NRXN1: variants seen among roughly 807,000 people sequenced by gnomAD.
NRXN1 encodes neurexin-1.
Under a neutral mutation model 150.9 loss-of-function variants are expected in NRXN1, and 39 were observed. The observed-to-expected ratio is 0.26, with a 90% CI of 0.20 to 0.34. NRXN1 has a LOEUF of 0.34. NRXN1 is among the 10% of genes least tolerant of loss of function. The probability of loss-of-function intolerance (pLI) is 1.00; values close to 1 mark genes in which losing one functional copy is unlikely to be tolerated. For missense variants in NRXN1, 1,815 were observed against 1,949.9 expected, an observed-to-expected ratio of 0.93 and a Z score of 1.30; for synonymous variants, 924 against 757.0, an observed-to-expected ratio of 1.22 and a Z score of -3.62.
chr2:50,463,178 AACAGTGAGATGT>A (rs1482739584), intron 17 of NRXN1, among the ~76,000 whole-genome samples: 1 of 151,846 alleles, frequency 6.6e-6, no homozygotes, highest in Non-Finnish European at 1.5e-5. Context: ...CTTAGAGAAA[AACAGTGAGATGT>A]ACAGACAAGA....
intron 21 of NRXN1, among the ~76,000 whole-genome samples, chr2:50,003,878 C>A (rs1185523886): frequency 6.6e-6 from 1 of 151,986 alleles, no homozygotes; most frequent in African/African-American, 2.4e-5. Flanking sequence ...ATAGAAATAT[C>A]AAAGATGGAA....
intron 2 of NRXN1, among the ~76,000 whole-genome samples, chr2:50,966,620 G>A (rs1243832292): frequency 6.6e-6 from 1 of 151,758 alleles, no homozygotes; most frequent in Non-Finnish European, 1.5e-5. Flanking sequence ...CCATTTTAAT[G>A]TGATTGCCAA....
chr2:50,962,314 A>G (rs182086185), intron 2 of NRXN1, among the ~76,000 whole-genome samples: 1 of 151,840 alleles, frequency 6.6e-6, no homozygotes, highest in East Asian at 1.9e-4. Flanking sequence ...AATTCTGATT[A>G]TCTTCCTGAG....
intron 5 of NRXN1, among the ~76,000 whole-genome samples, chr2:50,809,108 A>G (rs899969284): frequency 3.9e-5 from 6 of 152,124 alleles, no homozygotes; most frequent in African/African-American, 1.4e-4. Context: ...GAATCAGACA[A>G]TCAGGGTCCT....
chr2:50,804,307 C>G (rs987966808), intron 5 of NRXN1, among the ~76,000 whole-genome samples: 1 of 152,150 alleles, frequency 6.6e-6, no homozygotes, highest in South Asian at 2.1e-4. Context: ...ATAACAAGAG[C>G]TACCATTTAT....
chr2:50,864,208 C>A (rs1676543111), intron 5 of NRXN1, among the ~76,000 whole-genome samples: 1 of 151,984 alleles, frequency 6.6e-6, no homozygotes, highest in Non-Finnish European at 1.5e-5. Flanking sequence ...TTTAAGAAAT[C>A]TTTCCCAAAA....
intron 2 of NRXN1, among the ~76,000 whole-genome samples, chr2:50,943,028 G>A (rs1425408097): frequency 6.6e-6 from 1 of 152,076 alleles, no homozygotes; most frequent in African/African-American, 2.4e-5. Context: ...CATCCCCCTT[G>A]CTCTTCTGGT....
At chr2:50,640,946 G>A (rs12466091) in intron 5 of NRXN1, among the ~76,000 whole-genome samples, 32,360 of 152,034 alleles carry the variant, frequency 0.21, 3,852 homozygotes, top group East Asian at 0.36. Flanking sequence ...GATAAAATAA[G>A]TAGATAAAGA....
chr2:50,508,255 C>T (rs2092321558), intron 12 of NRXN1, among the ~76,000 whole-genome samples: 1 of 152,016 alleles, frequency 6.6e-6, no homozygotes, highest in South Asian at 2.1e-4. Flanking sequence ...CTGTTTGTAT[C>T]TTTAGAGAAA....
At chr2:50,189,163 T>C (rs913968918) in intron 18 of NRXN1, among the ~76,000 whole-genome samples, 1 of 152,144 alleles carries the variant, frequency 6.6e-6, no homozygotes, top group African/African-American at 2.4e-5. Context: ...GTGGCACATA[T>C]ACACAATGGA....
chr2:50,885,680 G>T (rs1026493412), intron 5 of NRXN1, among the ~76,000 whole-genome samples: 1 of 151,280 alleles, frequency 6.6e-6, no homozygotes, highest in Non-Finnish European at 1.5e-5. Context: ...AATTCCCATG[G>T]TAGACTCAAT....
At chr2:50,567,671 C>T (rs1051824941) in intron 8 of NRXN1, among the ~76,000 whole-genome samples, 8 of 151,984 alleles carry the variant, frequency 5.3e-5, no homozygotes, top group South Asian at 2.1e-4. Flanking sequence ...CCATTTAATA[C>T]GTTGGAAACA....
intron 15 of NRXN1, among the ~76,000 whole-genome samples, chr2:50,478,965 A>C (rs1235068122): frequency 6.6e-6 from 1 of 152,154 alleles, no homozygotes; most frequent in Non-Finnish European, 1.5e-5. Context: ...CCTTTTAAGT[A>C]CTAACCTGTT....
At chr2:50,829,342 ACAGT>A (rs1204842562) in intron 5 of NRXN1, 3 of 745,632 alleles carry the variant, frequency 4.0e-6, no homozygotes, top group South Asian at 3.5e-5. Flanking sequence ...GTTGATCAGG[ACAGT>A]CAAACTCCCA....
At chr2:50,089,536 C>T (rs1699262299) in intron 19 of NRXN1, among the ~76,000 whole-genome samples, 1 of 152,086 alleles carries the variant, frequency 6.6e-6, no homozygotes, top group African/African-American at 2.4e-5. Flanking sequence ...CCTGTAATCC[C>T]AGCACTTTGG....
chr2:50,359,044 G>T (rs951251582), intron 17 of NRXN1, among the ~76,000 whole-genome samples: 1 of 152,138 alleles, frequency 6.6e-6, no homozygotes, highest in African/African-American at 2.4e-5. Context: ...CTAACAAACA[G>T]AAAGCAATAG....
At chr2:50,900,019 T>A (rs929480769) in intron 5 of NRXN1, among the ~76,000 whole-genome samples, 4 of 152,060 alleles carry the variant, frequency 2.6e-5, no homozygotes, top group African/African-American at 9.7e-5. Context: ...CCAAAAGGGA[T>A]TTTTTTGTGT....
At chr2:50,519,442 C>T (rs2092721176) in intron 12 of NRXN1, among the ~76,000 whole-genome samples, 1 of 151,906 alleles carries the variant, frequency 6.6e-6, no homozygotes, top group Non-Finnish European at 1.5e-5. Flanking sequence ...AAATGAATGG[C>T]TCACCTTATG....
At chr2:50,230,335 A>G (rs570987460) in intron 18 of NRXN1, among the ~76,000 whole-genome samples, 1 of 152,248 alleles carries the variant, frequency 6.6e-6, no homozygotes, top group Non-Finnish European at 1.5e-5. Context: ...TTGAAAGATA[A>G]GTAGAAAAAT....
Sources: gnomAD v4.1 joint callset for allele counts (sites outside exome capture counted in the v4.1 genomes callset) on GRCh38, gnomAD v4.1.1 for gene constraint, MANE v1.5 for transcripts, NCBI Gene and HGNC (gene_info 2026-07-23, HGNC 2026-07-21) for gene names.